The following DAPK2 variants were observed in gnomAD, a reference collection of about 807,000 sequenced individuals.
DAPK2 encodes death associated protein kinase 2.
DAPK2 carries 35 observed loss-of-function variants against 44.1 expected under a neutral mutation model. The ratio of observed to expected loss-of-function variants is 0.79; its 90% CI spans 0.61 to 1.05. The LOEUF (loss-of-function observed/expected upper bound fraction) is 1.05. Among genes scored for constraint, DAPK2 ranks in the 50% least tolerant of loss-of-function variants. The pLI is 0.00. For missense variants in DAPK2, 453 were observed against 483.2 expected, an observed-to-expected ratio of 0.94 and a Z score of 0.59; for synonymous variants, 174 against 182.6, an observed-to-expected ratio of 0.95 and a Z score of 0.38.
intron 1 of DAPK2, among the ~76,000 whole-genome samples, chr15:64,006,415 G>A (rs377434493): frequency 6.6e-6 from 1 of 152,066 alleles, no homozygotes; most frequent in African/African-American, 2.4e-5. Context: ...TCATGTCCTG[G>A]TCTATACAGT....
At chr15:64,011,798 C>T (rs532192093) in intron 1 of DAPK2, among the ~76,000 whole-genome samples, 157 of 152,324 alleles carry the variant, frequency 1.0e-3, no homozygotes, top group African/African-American at 3.6e-3. Context: ...TCATGAAATG[C>T]AAGTCCTTGA....
chr15:63,914,678 C>T (rs753633430), intron 8 of DAPK2, among the ~76,000 whole-genome samples: 13 of 152,154 alleles, frequency 8.5e-5, no homozygotes, highest in Non-Finnish European at 1.9e-4. Flanking sequence ...TGATTTTCTA[C>T]CTCTCTGCTT....
chr15:64,032,903 T>C (rs2080057531), intron 1 of DAPK2, among the ~76,000 whole-genome samples: 2 of 151,584 alleles, frequency 1.3e-5, no homozygotes, highest in South Asian at 4.2e-4. Context: ...CTGGCCAACA[T>C]AGTGAAACCC....
chr15:63,992,646 C>G (rs2140917144), intron 1 of DAPK2, among the ~76,000 whole-genome samples: 1 of 152,286 alleles, frequency 6.6e-6, no homozygotes, highest in Non-Finnish European at 1.5e-5. Context: ...TCACTCCCTC[C>G]CTATCAGGTT....
rs111480093 is a variant in DAPK2 at position 63,972,581 on chromosome 15, G to C, written c.315-1020C>G. 3.0e-3 allele frequency among the ~76,000 whole-genome samples: 460 copies of C among 152,358 alleles called. 3 individuals are homozygous for C. Among genetic ancestry groups the C allele is most frequent in the African/African-American group, 8.3e-3 (347 of 41,588 alleles). On this transcript the variant is annotated intron_variant, in intron 2 of 10. Transcript: ENST00000261891. ...AGGGCATCCTTGTTATAAAGTAGCA[G>C]AGAACGTGGCTGAATTGTGTGTGTG...
chr15:63,947,066 C>T (rs2077467870), intron 3 of DAPK2, among the ~76,000 whole-genome samples: 1 of 20,334 alleles, frequency 4.9e-5, no homozygotes, highest in Non-Finnish European at 2.1e-4. Context: ...TGCTTCCCCA[C>T]CTCCTACTCC....
chr15:63,971,521 CCTT>C (rs1567241505), exon 3 of DAPK2: 1 of 1,614,206 alleles, frequency 6.2e-7, no homozygotes, highest in East Asian at 2.2e-5. Flanking sequence ...CTCAGTGACT[CCTT>C]CTGGGCCAGG....
At chr15:64,009,885 C>T (rs1173384723) in intron 1 of DAPK2, among the ~76,000 whole-genome samples, 1 of 152,190 alleles carries the variant, frequency 6.6e-6, no homozygotes, top group African/African-American at 2.4e-5. Flanking sequence ...GTGGTTAGCA[C>T]TAAAAATCTG....
At chr15:63,934,642 C>T (rs1020117118) in intron 4 of DAPK2, among the ~76,000 whole-genome samples, 3 of 152,138 alleles carry the variant, frequency 2.0e-5, no homozygotes, top group African/African-American at 7.2e-5. Context: ...TGTGCAACCT[C>T]CGCCTCCCAG....
chr15:64,046,300 C>G lies in DAPK2; in HGVS notation c.-9G>C, dbSNP rs1372032953. Reference sequence around the variant, plus strand: ...GCCCGCAGACGGGTGCTACTCACGGCGGGAGGCTGAGCTGCCGCGGTCGCG... The same window carrying G: ...GCCCGCAGACGGGTGCTACTCACGGGGGGAGGCTGAGCTGCCGCGGTCGCG... On this transcript the variant is annotated splice_region_variant and 5_prime_UTR_variant, in exon 1 of 12. Coordinates refer to the DAPK2 transcript ENST00000457488. The surrounding 1 kb of genome is among the most constrained non-coding windows in gnomAD (Gnocchi z 5.3). 2.0e-6 allele frequency: 2 copies of G among 976,376 alleles called. No homozygotes were observed. Among genetic ancestry groups the G allele is most frequent in the African/African-American group, 3.5e-5 (2 of 56,348 alleles). The allele number at this position is 976,376 out of a possible 1,614,324, so 60.5% of individuals were successfully genotyped here.
chr15:63,963,499 A>T (rs2077969963), intron 3 of DAPK2, among the ~76,000 whole-genome samples: 1 of 152,194 alleles, frequency 6.6e-6, no homozygotes, highest in Non-Finnish European at 1.5e-5. Flanking sequence ...TAATCCATTC[A>T]GCCAATCTAT....
At chr15:64,036,912 T>C (rs1369294317) in intron 1 of DAPK2, among the ~76,000 whole-genome samples, 1 of 152,158 alleles carries the variant, frequency 6.6e-6, no homozygotes, top group East Asian at 1.9e-4. Context: ...AGGCTCGATC[T>C]GTTCACTGTT....
Position 63,916,009 on chromosome 15 carries a change from A to G in DAPK2, c.859-3812T>C, listed in dbSNP as rs968997346. The G allele has an allele frequency of 6.6e-6, 1 of 152,172 alleles. No homozygotes were observed. Among genetic ancestry groups the G allele is most frequent in the Non-Finnish European group, 1.5e-5 (1 of 68,160 alleles). The allele number at this position is 152,172 out of a possible 1,614,324, so 9.4% of individuals were successfully genotyped here. On this transcript the variant is annotated intron_variant, in intron 8 of 10. Coordinates refer to ENST00000261891, the Ensembl canonical transcript of DAPK2. This position sits in a 1 kb window ranked among gnomAD's most constrained non-coding sequence, Gnocchi z 4.7. ...TCTCCTGACCCGCCCCTCCCTGCAA[A>G]CAGAAAGTGCCCGCCTTCTGGCCTT...
intron 1 of DAPK2, among the ~76,000 whole-genome samples, chr15:64,021,953 T>C (rs1314045910): frequency 6.6e-6 from 1 of 152,288 alleles, no homozygotes; most frequent in East Asian, 1.9e-4. Context: ...GCAATGAGAC[T>C]AAGTTGGTCA....
chr15:64,034,940 G>T (rs1005695091), intron 1 of DAPK2, among the ~76,000 whole-genome samples: 4 of 152,192 alleles, frequency 2.6e-5, no homozygotes, highest in African/African-American at 9.7e-5. Context: ...GGCCGAGGCA[G>T]GCAGATAACC....
At chr15:63,932,239 G>A (rs150599917) in intron 4 of DAPK2, among the ~76,000 whole-genome samples, 3,016 of 151,704 alleles carry the variant, frequency 0.02, 95 homozygotes, top group African/African-American at 0.07. Flanking sequence ...GCCAAGGTGG[G>A]CAGATCACCT....
At chr15:64,000,211 A>G in intron 1 of DAPK2, among the ~76,000 whole-genome samples, 1 of 152,082 alleles carries the variant, frequency 6.6e-6, no homozygotes, top group South Asian at 2.1e-4. Flanking sequence ...ACACACACAC[A>G]CACACACAGC....
chr15:63,942,040 C>T (rs1247559034), intron 3 of DAPK2, among the ~76,000 whole-genome samples: 1 of 152,228 alleles, frequency 6.6e-6, no homozygotes, highest in African/African-American at 2.4e-5. Context: ...CCAGCCCTCC[C>T]GACCACCATA....
chr15:63,976,000 T>C (rs112060302), intron 2 of DAPK2, among the ~76,000 whole-genome samples: 2 of 145,912 alleles, frequency 1.4e-5, no homozygotes, highest in South Asian at 2.1e-4. Context: ...CTTTTCTCCT[T>C]TCTTTAAACA....
Sources: allele counts gnomAD v4.1 joint callset (sites outside exome capture counted in the v4.1 genomes callset), GRCh38; gene constraint gnomAD v4.1.1; non-coding constraint Gnocchi (gnomAD v3.1); transcripts MANE v1.5; gene names NCBI Gene and HGNC (gene_info 2026-07-23, HGNC 2026-07-21).